The following DCAF6 variants were observed in gnomAD, a reference collection of about 807,000 sequenced individuals.
The protein encoded by DCAF6 is DDB1 and CUL4 associated factor 6.
In DCAF6, 54 loss-of-function variants were observed where a neutral mutation model predicts 125.1. The ratio of observed to expected loss-of-function variants is 0.43; its 90% confidence interval spans 0.35 to 0.54. The LOEUF is 0.54. DCAF6 is among the 20% of genes least tolerant of loss of function. The pLI is 0.01. For synonymous variants in DCAF6, 371 were observed against 390.4 expected (o/e 0.95, Z 0.58); for missense variants, 934 against 1,161.7 (o/e 0.80, Z 2.85).
At position 167,974,975 on chromosome 1, in the gene DCAF6, G is replaced by A. The variant is rs1388159391; in HGVS notation, c.398G>A (p.Arg133Lys). 1 of 1,605,446 alleles carries A rather than the reference G, an allele frequency of 6.2e-7. No individual in the cohort carries two copies. The highest frequency in any genetic ancestry group is 1.1e-5 in the South Asian group (1 of 88,522). The change falls in exon 4 of 22, where the codon AGA becomes AAA. Residue 133 changes from arginine to lysine, a missense_variant. Coordinates refer to ENST00000367840, the MANE Select transcript of DCAF6 (RefSeq NM_001198956.2). Reference protein sequence around the residue: ...TNVEQDAETNRQCQFTCHYGT... With the variant: ...TNVEQDAETNKQCQFTCHYGT... The stretch of plus-strand genomic sequence containing the variant: ...GTTGAGCAAGATGCAGAAACCAACA[G>A]ACAATGCCAATTTACGTGTCATTAT...
chr1:167,980,899 G>A (rs1427293665), intron 4 of DCAF6, among the ~76,000 whole-genome samples: 2 of 147,904 alleles, frequency 1.4e-5, no homozygotes, highest in Admixed American at 6.9e-5. Context: ...ATGTCATGAA[G>A]CTTTTCTCTG....
At chr1:167,924,599 A>G in the DCAF6 span, 1 of 1,193,686 alleles carries the variant, frequency 8.4e-7, no homozygotes, top group South Asian at 1.7e-5. Flanking sequence ...ACGTCTTTTA[A>G]CAGCTGTCAC....
intron 2 of DCAF6, among the ~76,000 whole-genome samples, chr1:167,958,900 C>T (rs1675168414): frequency 6.6e-6 from 1 of 152,134 alleles, no homozygotes; most frequent in Non-Finnish European, 1.5e-5. Flanking sequence ...CATCCAAAGT[C>T]CATAGTTTAC....
At chr1:168,073,829 A>T (rs1025369533) in intron 21 of DCAF6, among the ~76,000 whole-genome samples, 1 of 151,658 alleles carries the variant, frequency 6.6e-6, no homozygotes, top group Admixed American at 6.6e-5. Flanking sequence ...AATAAAAACA[A>T]TGTAATTTTT....
chr1:168,048,030 G>A lies in DCAF6; in HGVS notation c.2258+2803G>A, dbSNP rs574606447. ...CAATTTAGCTGACTTTTATTCTAAA[G>A]AGAGAAAGTTTAAGAGATTTTGCTT... On this transcript the variant is annotated intron_variant, in intron 16 of 21. Transcript: ENST00000367840. Among the ~76,000 whole-genome samples, 4 of 152,196 alleles carry A rather than the reference G, an allele frequency of 2.6e-5. No homozygotes were observed. The South Asian group carries it at 8.3e-4, about 32-fold the overall frequency.
intron 1 of DCAF6, among the ~76,000 whole-genome samples, chr1:167,938,234 A>G (rs376078144): frequency 1.3e-5 from 2 of 150,690 alleles, no homozygotes; most frequent in East Asian, 3.9e-4. Context: ...TCTTACAAGT[A>G]CATATGTACA....
chr1:167,929,487 C>G, the DCAF6 span, among the ~76,000 whole-genome samples: 1 of 152,008 alleles, frequency 6.6e-6, no homozygotes, highest in Non-Finnish European at 1.5e-5. Flanking sequence ...TTTTTAAATT[C>G]TAACTTTTCA....
chr1:168,053,055 C>T (rs1690153712), intron 17 of DCAF6, among the ~76,000 whole-genome samples: 1 of 152,124 alleles, frequency 6.6e-6, no homozygotes, highest in East Asian at 1.9e-4. Context: ...CTTAAGTCAG[C>T]GTATCTTTAC....
the DCAF6 span, chr1:167,924,387 G>A: frequency 7.5e-6 from 6 of 805,206 alleles, no homozygotes; most frequent in Non-Finnish European, 1.2e-5. Flanking sequence ...TCATCTAGAG[G>A]CATACCAAGA....
At chr1:167,924,495 A>C in the DCAF6 span, 6 of 1,591,558 alleles carry the variant, frequency 3.8e-6, no homozygotes, top group Non-Finnish European at 5.1e-6. Flanking sequence ...CTCAAGACTT[A>C]CCCATTTCAT....
At position 167,946,020 on chromosome 1, in the gene DCAF6, A is replaced by G. The variant is rs146620440; in HGVS notation, c.98-5780A>G. ...TGCCCAGGCTGGAGTGCAATGGCAC[A>G]ATCTCAGCTCACTGCAAGCTCTGCC... On this transcript the variant is annotated intron_variant, in intron 1 of 21. Transcript: ENST00000367840. Among the ~76,000 whole-genome samples the G allele has an allele frequency of 2.1e-3, 305 of 145,618 alleles. 2 individuals carry two copies. Among genetic ancestry groups the G allele is most frequent in the African/African-American group, 7.4e-3 (287 of 39,008 alleles).
intron 4 of DCAF6, among the ~76,000 whole-genome samples, chr1:167,985,777 G>C (rs1679918102): frequency 6.6e-6 from 1 of 152,166 alleles, no homozygotes; most frequent in Non-Finnish European, 1.5e-5. Context: ...CTACTGAAAA[G>C]TGCTGGCATC....
chr1:168,045,197 G>T lies in DCAF6; in HGVS notation c.2228G>T (p.Gly743Val). Residue 743 changes from glycine to valine, a missense_variant, in exon 16 of 22, where the codon GGT becomes GTT. Physicochemically the swap from Gly to Val is moderately radical, Grantham distance 109 (BLOSUM62 -3). Coordinates refer to ENST00000367840, the MANE Select transcript of DCAF6 (RefSeq NM_001198956.2). ...DSDDDPVLIPGARYRAGPGDR... is the reference protein window; with the variant it reads ...DSDDDPVLIPVARYRAGPGDR... ...GATGATGACCCAGTCCTGATCCCAG[G>T]TGCAAGGTATCGAGCAGGACCTGGT... 1 of 1,613,216 alleles carries T rather than the reference G, an allele frequency of 6.2e-7. No individual in the cohort carries two copies. Among genetic ancestry groups the T allele is most frequent in the Non-Finnish European group, 8.5e-7 (1 of 1,179,686 alleles).
At chr1:167,921,428 G>A in the DCAF6 span, among the ~76,000 whole-genome samples, 1 of 152,010 alleles carries the variant, frequency 6.6e-6, no homozygotes, top group Admixed American at 6.6e-5. Context: ...CACCATGTTG[G>A]CCAGGCTGGT....
chr1:167,943,209 G>A (rs1465101755), intron 1 of DCAF6, among the ~76,000 whole-genome samples: 2 of 152,028 alleles, frequency 1.3e-5, no homozygotes, highest in African/African-American at 2.4e-5. Flanking sequence ...GCGCCTGGCC[G>A]AAATTTGGTC....
At chr1:168,040,805 T>G (rs1346275309) in intron 13 of DCAF6, among the ~76,000 whole-genome samples, 1 of 150,680 alleles carries the variant, frequency 6.6e-6, no homozygotes, top group African/African-American at 2.4e-5. Flanking sequence ...ATGAATTATA[T>G]TCTCATTCAT....
In DCAF6 at chr1:168,044,972, G is replaced by A. The variant is rs759746198; in HGVS notation, c.2003G>A (p.Arg668His). The change falls in exon 16 of 22, where the codon CGC (arginine) becomes CAC (histidine). Residue 668 changes from arginine to histidine, a missense_variant. Around this residue, in one of 5 missense-constraint regions of DCAF6, gnomAD observed 559 missense variants for 635.5 expected, o/e 0.88. Transcript: ENST00000367840. The stretch of plus-strand genomic sequence containing the variant: ...GAAAGAAATGACCTCAATCTTGATC[G>A]CTCTTGTGGGGTTCCAGAAGAATCT... Reference protein sequence around the residue: ...SGERNDLNLDRSCGVPEESAS... With the variant: ...SGERNDLNLDHSCGVPEESAS... 32 of 1,613,912 alleles carry A rather than the reference G, an allele frequency of 2.0e-5. No homozygotes were observed. The highest frequency in any genetic ancestry group is 5.0e-5 in the Admixed American group (3 of 59,992).
In DCAF6 at chr1:168,066,401, A is replaced by G. The variant is rs760792720; in HGVS notation, c.2621A>G (p.Tyr874Cys). The G allele has an allele frequency of 6.2e-7, 1 of 1,608,166 alleles. No individual in the cohort carries two copies. The highest frequency in any genetic ancestry group is 8.5e-7 in the Non-Finnish European group (1 of 1,176,868). The change falls in exon 20 of 22, where the codon TAT (tyrosine) becomes TGT (cysteine). Residue 874 changes from tyrosine (Y) to cysteine (C), a missense_variant. By Grantham distance (194) the Tyr-to-Cys change is radical. Around this residue, in one of 5 missense-constraint regions of DCAF6, gnomAD observed 27 missense variants for 85.1 expected, o/e 0.32. Transcript: ENST00000367840. ...GTTTTAGCCTCATCTGGCATAGATT[A>G]TGACATAAAGATCTGGTCACCATTA... ...DPILASSGID[Y>C]DIKIWSPLEE... is the part of the protein sequence containing the mutation.
intron 13 of DCAF6, among the ~76,000 whole-genome samples, chr1:168,039,488 T>A (rs951586380): frequency 5.3e-5 from 8 of 150,730 alleles, no homozygotes; most frequent in African/African-American, 1.7e-4. Context: ...TTATACTCTT[T>A]CCCACTATCT....
Sources: allele counts gnomAD v4.1 joint callset (sites outside exome capture counted in the v4.1 genomes callset), GRCh38; gene constraint gnomAD v4.1.1; regional missense constraint gnomAD v4.1.1; transcripts MANE v1.5; gene names NCBI Gene and HGNC (gene_info 2026-07-23, HGNC 2026-07-21).